The following ARL8B variants were observed in gnomAD, a reference collection of about 807,000 sequenced individuals.
ARL8B encodes ARF like GTPase 8B, also known as ADP-ribosylation factor-like protein 8B.
Under a neutral mutation model 30.6 loss-of-function variants are expected in ARL8B, and 9 were observed. The observed-to-expected ratio is 0.29, with a 90% CI of 0.18 to 0.51. The LOEUF is 0.51. Ranked by LOEUF, ARL8B falls within the 20% of genes least tolerant of loss-of-function variation. ARL8B has a pLI of 0.97. For synonymous variants in ARL8B, 74 were observed against 76.0 expected, an observed-to-expected ratio of 0.97 and a Z score of 0.14; for missense variants, 130 against 227.2, an observed-to-expected ratio of 0.57 and a Z score of 2.75.
At chr3:5,171,907 TCTTTG>T (rs2054680241) in intron 2 of ARL8B, among the ~76,000 whole-genome samples, 1 of 152,212 alleles carries the variant, frequency 6.6e-6, no homozygotes, top group Non-Finnish European at 1.5e-5. Flanking sequence ...ATAAACCAAA[TCTTTG>T]CTTAAGCAAA....
intron 1 of ARL8B, among the ~76,000 whole-genome samples, chr3:5,126,654 T>C (rs1325792263): frequency 6.6e-6 from 1 of 152,208 alleles, no homozygotes; most frequent in Non-Finnish European, 1.5e-5. Flanking sequence ...ATTTTAAAAC[T>C]GAAATGATAC....
At chr3:5,177,656 A>G (rs1163741863) in intron 6 of ARL8B, among the ~76,000 whole-genome samples, 2 of 152,058 alleles carry the variant, frequency 1.3e-5, no homozygotes, top group African/African-American at 4.8e-5. Context: ...GGGTTTCACC[A>G]TGTTGGCCAG....
At chr3:5,175,661 G>A (rs2054723361) in intron 6 of ARL8B, among the ~76,000 whole-genome samples, 1 of 152,226 alleles carries the variant, frequency 6.6e-6, no homozygotes, top group African/African-American at 2.4e-5. Context: ...TCTAGAGGCT[G>A]GAAGTCCAAA....
chr3:5,165,349 G>C (rs1446525571), intron 1 of ARL8B, among the ~76,000 whole-genome samples: 5 of 152,082 alleles, frequency 3.3e-5, no homozygotes, highest in African/African-American at 1.2e-4. Flanking sequence ...ATACTAATTT[G>C]AAAAATGAGT....
At chr3:5,134,105 G>T (rs2054305799) in intron 1 of ARL8B, among the ~76,000 whole-genome samples, 1 of 126,880 alleles carries the variant, frequency 7.9e-6, no homozygotes, top group South Asian at 2.4e-4. Flanking sequence ...GTCTTCAGGA[G>T]TATAAGAGAT....
At chr3:5,142,569 C>T (rs759799288) in intron 1 of ARL8B, among the ~76,000 whole-genome samples, 17 of 152,162 alleles carry the variant, frequency 1.1e-4, no homozygotes, top group East Asian at 3.8e-4. Flanking sequence ...AGGCTTGTAC[C>T]GAAAATTTGA....
At chr3:5,123,853 G>T (rs1160822938) in intron 1 of ARL8B, among the ~76,000 whole-genome samples, 1 of 152,066 alleles carries the variant, frequency 6.6e-6, no homozygotes, top group East Asian at 1.9e-4. Context: ...TTGTTGTTCG[G>T]CTCCTTTTCT....
intron 1 of ARL8B, among the ~76,000 whole-genome samples, chr3:5,155,990 C>T (rs1233905914): frequency 6.6e-6 from 1 of 151,932 alleles, no homozygotes; most frequent in African/African-American, 2.4e-5. Flanking sequence ...GCAACCTCCG[C>T]CTCCTAGGTT....
At chr3:5,169,062 A>G (rs1394187058) in intron 1 of ARL8B, among the ~76,000 whole-genome samples, 1 of 152,184 alleles carries the variant, frequency 6.6e-6, no homozygotes, top group Non-Finnish European at 1.5e-5. Flanking sequence ...CCCTCCCTGT[A>G]TGATGACTAG....
At chr3:5,147,610 A>G (rs536141748) in intron 1 of ARL8B, among the ~76,000 whole-genome samples, 1 of 152,048 alleles carries the variant, frequency 6.6e-6, no homozygotes, top group South Asian at 2.1e-4. Flanking sequence ...CGTTTTTCTG[A>G]CTACCTCTTC....
intron 1 of ARL8B, among the ~76,000 whole-genome samples, chr3:5,136,204 A>G (rs190207654): frequency 5.6e-4 from 86 of 152,288 alleles, no homozygotes; most frequent in Non-Finnish European, 3.4e-4. Context: ...TCCTGGGTTC[A>G]AGTGAACTTG....
chr3:5,130,764 G>T (rs1014459438), intron 1 of ARL8B, among the ~76,000 whole-genome samples: 2 of 152,034 alleles, frequency 1.3e-5, no homozygotes, highest in Non-Finnish European at 2.9e-5. Flanking sequence ...TTGAACTTCT[G>T]ACGTCAAGTG....
At position 5,178,656 on chromosome 3, in the gene ARL8B, A is replaced by G. The variant is rs764259030; in HGVS notation, c.512-8A>G. 1.1e-5 allele frequency: 17 copies of G among 1,602,632 alleles called. No individual in the cohort carries two copies. Among genetic ancestry groups the G allele is most frequent in the Admixed American group, 5.2e-5 (3 of 57,590 alleles). ...TTTAATGTCTTCACTTTTCCCCTCT[A>G]TCTTTAGATATCACACTTCAGTGGC... On this transcript the variant is annotated splice_polypyrimidine_tract_variant and splice_region_variant and intron_variant, in intron 6 of 6. Coordinates refer to ENST00000256496, the MANE Select transcript of ARL8B (RefSeq NM_018184.3).
chr3:5,127,763 C>T (rs900554565), intron 1 of ARL8B, among the ~76,000 whole-genome samples: 2 of 150,928 alleles, frequency 1.3e-5, no homozygotes, highest in African/African-American at 4.9e-5. Flanking sequence ...GTCCCAGCTA[C>T]TCGGGAGGCT....
chr3:5,133,579 A>G (rs2054301498), intron 1 of ARL8B, among the ~76,000 whole-genome samples: 1 of 152,176 alleles, frequency 6.6e-6, no homozygotes, highest in African/African-American at 2.4e-5. Context: ...CAGCAGTTAC[A>G]GGGTGGGGAA....
chr3:5,132,062 G>GT (rs1224505591), intron 1 of ARL8B, among the ~76,000 whole-genome samples: 2 of 151,988 alleles, frequency 1.3e-5, no homozygotes, highest in Non-Finnish European at 2.9e-5. Flanking sequence ...AAAAAAATTT[G>GT]TTTTTTTGTA....
chr3:5,174,993 G>A (rs949863065), intron 6 of ARL8B, among the ~76,000 whole-genome samples: 2 of 151,666 alleles, frequency 1.3e-5, no homozygotes, highest in Admixed American at 6.6e-5. Flanking sequence ...AGTAGCGACA[G>A]GGTTTCCATG....
At chr3:5,141,267 T>TA (rs2054371199) in intron 1 of ARL8B, among the ~76,000 whole-genome samples, 1 of 152,194 alleles carries the variant, frequency 6.6e-6, no homozygotes, top group East Asian at 1.9e-4. Flanking sequence ...ATGGACCACT[T>TA]AAAATGTTTT....
At chr3:5,165,489 C>G (rs1193022785) in intron 1 of ARL8B, among the ~76,000 whole-genome samples, 1 of 151,982 alleles carries the variant, frequency 6.6e-6, no homozygotes, top group East Asian at 1.9e-4. Context: ...ACAATTGAGT[C>G]CTAGTGTGTT....
Sources: gnomAD v4.1 joint callset for allele counts (sites outside exome capture counted in the v4.1 genomes callset) on GRCh38, gnomAD v4.1.1 for gene constraint, MANE v1.5 for transcripts, NCBI Gene and HGNC (gene_info 2026-07-23, HGNC 2026-07-21) for gene names.